Variants in PDE1C observed in about 807,000 individuals in gnomAD.
PDE1C encodes dual specificity calcium/calmodulin-dependent 3',5'-cyclic nucleotide phosphodiesterase 1C.
PDE1C carries 62 observed loss-of-function variants against 93.1 expected under a neutral mutation model. The observed-to-expected ratio is 0.67, with a 90% CI of 0.54 to 0.82. The LOEUF (loss-of-function observed/expected upper bound fraction) is 0.82. Ranked by LOEUF, PDE1C falls within the 40% of genes least tolerant of loss-of-function variation. PDE1C has a pLI of 0.00. For missense variants in PDE1C, 742 were observed against 884.6 expected (o/e 0.84, Z 2.04); for synonymous variants, 325 against 310.1 (o/e 1.05, Z -0.50).
chr7:31,816,668 A>G, intron 14 of PDE1C, among the ~76,000 whole-genome samples: 1 of 152,218 alleles, frequency 6.6e-6, no homozygotes, highest in East Asian at 1.9e-4. Context: ...AACACAAACA[A>G]TTGATTACAA....
At chr7:31,821,700 T>A (rs553859173) in intron 14 of PDE1C, among the ~76,000 whole-genome samples, 2 of 152,222 alleles carry the variant, frequency 1.3e-5, no homozygotes, top group East Asian at 3.9e-4. Context: ...AAAAGTGCCA[T>A]AAATATAAAC....
chr7:31,700,286 C>T, the PDE1C span, among the ~76,000 whole-genome samples: 184 of 152,236 alleles, frequency 1.2e-3, 1 homozygote, highest in African/African-American at 4.1e-3. Context: ...ATTGTTGATA[C>T]GGGGAAAGTT....
intron 11 of PDE1C, among the ~76,000 whole-genome samples, chr7:31,830,297 G>C (rs995488937): frequency 6.6e-6 from 1 of 151,896 alleles, no homozygotes; most frequent in Non-Finnish European, 1.5e-5. Flanking sequence ...TACAGCTATA[G>C]CTTAAAATTA....
chr7:32,171,904 G>A (rs1802679077), intron 2 of PDE1C, among the ~76,000 whole-genome samples: 1 of 147,030 alleles, frequency 6.8e-6, no homozygotes, highest in African/African-American at 2.5e-5. Context: ...TCCTAGATGG[G>A]ATTGTGGAAC....
chr7:32,224,922 A>G (rs771480916), intron 1 of PDE1C, among the ~76,000 whole-genome samples: 6 of 151,724 alleles, frequency 4.0e-5, no homozygotes, highest in Non-Finnish European at 1.5e-5. Flanking sequence ...AAACCCAGCT[A>G]TGGTCTCTGG....
rs146679085 is a variant in PDE1C, at chr7:32,326,508, C to T, written c.310+101314G>A. On this transcript the variant is annotated intron_variant, in intron 1 of 1. Coordinates refer to the PDE1C transcript ENST00000672256. Reference sequence around the variant, plus strand: ...GAGGAATCCAGAGATTACAGTGCCTCGGAAACCAGGTGAAGAAGGAAAGAG... The same window carrying T: ...GAGGAATCCAGAGATTACAGTGCCTTGGAAACCAGGTGAAGAAGGAAAGAG... Among the ~76,000 whole-genome samples the T allele has an allele frequency of 7.0e-4, 106 of 152,194 alleles. 3 individuals carry two copies. The East Asian group carries it at 0.018, about 26-fold the overall frequency.
the PDE1C span, among the ~76,000 whole-genome samples, chr7:31,685,704 C>A: frequency 0.071 from 10,858 of 152,148 alleles, 826 homozygotes; most frequent in African/African-American, 0.19. Flanking sequence ...TGTGTCCCAG[C>A]ACTGAAAATA....
At chr7:32,118,071 T>C (rs946301731) in intron 3 of PDE1C, among the ~76,000 whole-genome samples, 3 of 152,140 alleles carry the variant, frequency 2.0e-5, no homozygotes, top group Non-Finnish European at 4.4e-5. Context: ...TCCCTAAGGG[T>C]TGGATTCCCA....
chr7:31,729,252 A>C, the PDE1C span, among the ~76,000 whole-genome samples: 2 of 152,204 alleles, frequency 1.3e-5, no homozygotes, highest in African/African-American at 4.8e-5. Context: ...GTTCTGGGAA[A>C]TACCCTGCTC....
At chr7:32,025,073 C>A (rs919007825) in intron 2 of PDE1C, among the ~76,000 whole-genome samples, 4 of 152,028 alleles carry the variant, frequency 2.6e-5, no homozygotes, top group Non-Finnish European at 5.9e-5. Flanking sequence ...GGCAAATTTC[C>A]CAGAATACAA....
intron 2 of PDE1C, among the ~76,000 whole-genome samples, chr7:32,184,996 A>G (rs2128815655): frequency 1.3e-5 from 2 of 152,106 alleles, no homozygotes; most frequent in South Asian, 4.2e-4. Context: ...CTATAATCCC[A>G]GCTACTCAGG....
the PDE1C span, among the ~76,000 whole-genome samples, chr7:31,701,675 C>T: frequency 2.6e-5 from 4 of 152,364 alleles, no homozygotes; most frequent in African/African-American, 9.6e-5. Flanking sequence ...GAAAACTTCA[C>T]TGTCATCTTG....
the PDE1C span, chr7:31,643,331 C>A: frequency 6.2e-7 from 1 of 1,614,016 alleles, no homozygotes; most frequent in Non-Finnish European, 8.5e-7. Flanking sequence ...CCTTATGCAA[C>A]TGACCTTGCT....
chr7:32,282,485 A>ATTAGATAGCTAGATAGATAGATAGATAG (rs1554300216), intron 1 of PDE1C, among the ~76,000 whole-genome samples: 1 of 143,860 alleles, frequency 7.0e-6, no homozygotes, highest in Admixed American at 6.9e-5. Flanking sequence ...TCAAAAAAAA[A>ATTAGATAGCTAGATAGATAGATAGATAG]ATAGATAGAT....
intron 1 of PDE1C, among the ~76,000 whole-genome samples, chr7:32,241,380 G>A (rs1808532291): frequency 1.3e-5 from 2 of 152,186 alleles, no homozygotes; most frequent in Non-Finnish European, 2.9e-5. Flanking sequence ...GATGTTTTAA[G>A]AAGGAGGGAG....
chr7:31,660,075 C>T, the PDE1C span, among the ~76,000 whole-genome samples: 6 of 152,090 alleles, frequency 3.9e-5, no homozygotes, highest in African/African-American at 7.2e-5. Flanking sequence ...TCCTTGCTGC[C>T]GCCATGTGAA....
At chr7:31,797,290 G>T (rs928718603) in intron 16 of PDE1C, among the ~76,000 whole-genome samples, 2 of 151,756 alleles carry the variant, frequency 1.3e-5, no homozygotes, top group African/African-American at 2.4e-5. Flanking sequence ...CATGCTGAAA[G>T]CAATTCCTTC....
chr7:31,769,816 G>C (rs1242244149), intron 17 of PDE1C, among the ~76,000 whole-genome samples: 1 of 152,116 alleles, frequency 6.6e-6, no homozygotes, highest in Non-Finnish European at 1.5e-5. Flanking sequence ...TGTCTCTATG[G>C]ATTAGCCCAT....
intron 1 of PDE1C, among the ~76,000 whole-genome samples, chr7:32,315,136 G>C (rs1783141335): frequency 6.6e-6 from 1 of 150,850 alleles, no homozygotes; most frequent in Non-Finnish European, 1.5e-5. Context: ...GGATGCAATA[G>C]AGTCTCAACT....
Sources: allele counts gnomAD v4.1 joint callset (sites outside exome capture counted in the v4.1 genomes callset), GRCh38; gene constraint gnomAD v4.1.1; transcripts MANE v1.5; gene names NCBI Gene and HGNC (gene_info 2026-07-23, HGNC 2026-07-21).